Variants in ESRP1 observed in about 807,000 individuals in gnomAD.
ESRP1 encodes the protein epithelial splicing regulatory protein 1, also known as RNA-binding motif protein 35A.
ESRP1 carries 33 observed loss-of-function variants against 81.7 expected under a neutral mutation model. The observed-to-expected ratio is 0.40, with a 90% confidence interval of 0.31 to 0.54. ESRP1 has a LOEUF of 0.54. Among genes scored for constraint, ESRP1 ranks in the 20% least tolerant of loss-of-function variants. ESRP1 has a pLI of 0.41. For synonymous variants in ESRP1, 320 were observed against 303.3 expected, an observed-to-expected ratio of 1.06 and a Z score of -0.57; for missense variants, 672 against 833.1, an observed-to-expected ratio of 0.81 and a Z score of 2.38.
At position 94,692,575 on chromosome 8, in the gene ESRP1, G is replaced by A. The variant is rs974835249; in HGVS notation, c.1821-102G>A. On this transcript the variant is annotated intron_variant, in intron 13 of 15. Transcript: ENST00000433389. ...GACAGCTCTGAGAAGTATAAGAAAG[G>A]TTGCCTTGAGAAATTCTGTTTCCTT... 6 of 1,258,848 alleles carry A rather than the reference G, an allele frequency of 4.8e-6. No individual in the cohort carries two copies. In the Admixed American group the frequency reaches 1.4e-4, roughly 29 times the overall value. 78.0% of individuals were successfully genotyped at this position (1,258,848 alleles called of 1,614,324 possible). A position where few individuals can be genotyped will look rare whatever the true frequency, so the allele number is the denominator to read the frequency against.
chr8:94,692,346 G>C (rs574275572), intron 13 of ESRP1, among the ~76,000 whole-genome samples: 2 of 152,202 alleles, frequency 1.3e-5, no homozygotes, highest in South Asian at 4.2e-4. Flanking sequence ...TAGCTAGCCG[G>C]TGAATCATCA....
Position 94,671,366 on chromosome 8 carries a change from C to T in ESRP1, c.1234-87C>T, listed in dbSNP as rs7002309. 6.1e-3 allele frequency: 6,805 copies of T among 1,109,024 alleles called. 127 individuals are homozygous for T. The highest frequency in any genetic ancestry group is 0.058 in the African/African-American group (3,712 of 63,682). 68.7% of individuals were successfully genotyped at this position (1,109,024 alleles called of 1,614,324 possible). On this transcript the variant is annotated intron_variant, in intron 10 of 15. Transcript: ENST00000433389. ...GGTGAGCTGGATTCTGCATTTCTAA[C>T]GAGCTTCCCAGTGATGCCATTGCTG...
At chr8:94,672,345 A>G (rs1321244937) in intron 11 of ESRP1, among the ~76,000 whole-genome samples, 1 of 152,176 alleles carries the variant, frequency 6.6e-6, no homozygotes, top group Non-Finnish European at 1.5e-5. Flanking sequence ...TGAGTTGCTG[A>G]GAAGCCTGTA....
chr8:94,676,987 TACTAAAAAAA>T (rs1030429190), intron 12 of ESRP1, among the ~76,000 whole-genome samples: 1 of 152,024 alleles, frequency 6.6e-6, no homozygotes, highest in African/African-American at 2.4e-5. Flanking sequence ...ACCCTGTTTC[TACTAAAAAAA>T]AATTCAAGAA....
intron 10 of ESRP1, among the ~76,000 whole-genome samples, chr8:94,669,838 G>A (rs538465067): frequency 6.9e-6 from 1 of 144,866 alleles, no homozygotes; most frequent in Admixed American, 7.1e-5. Flanking sequence ...CTGCACTCTA[G>A]CCTGGGCGAC....
Position 94,678,300 on chromosome 8 carries a change from A to G in ESRP1, c.1749A>G (p.Ala583=), listed in dbSNP as rs775786533. ...CCTCTGTGATTTTGAATCCACGAGC[A>G]CTGCAGCCCTCCACAGCGTACTACC... The part of the protein sequence containing the change: ...YQPSVILNPR[A]LQPSTAYYPA... The change falls in exon 13 of 16, where the codon GCA becomes GCG. Residue 583 remains alanine (A), a synonymous_variant. Transcript: ENST00000433389. The G allele has an allele frequency of 3.1e-6, 5 of 1,614,006 alleles. No homozygotes were observed. In the East Asian group the frequency reaches 6.7e-5, roughly 22 times the overall value.
Position 94,675,898 on chromosome 8 carries a change from G to A in ESRP1, c.1651+1392G>A, listed in dbSNP as rs143377278. 4.8e-3 allele frequency among the ~76,000 whole-genome samples: 736 copies of A among 152,306 alleles called. 5 individuals carry two copies. The highest frequency in any genetic ancestry group is 0.017 in the African/African-American group (692 of 41,552). ...TAATCTCAGCACTTTGGGAGGCCAA[G>A]GTGGGAGGATCACTTGAGGCCAGGG... On this transcript the variant is annotated intron_variant, in intron 12 of 15. Transcript: ENST00000433389.
intron 11 of ESRP1, among the ~76,000 whole-genome samples, chr8:94,674,094 C>A (rs73695505): frequency 0.02 from 3,095 of 152,248 alleles, 95 homozygotes; most frequent in African/African-American, 0.07. Context: ...CAGCTATGAG[C>A]TCTCAAAACT....
intron 15 of ESRP1, among the ~76,000 whole-genome samples, chr8:94,700,704 C>A (rs1028901100): frequency 6.7e-6 from 1 of 150,208 alleles, no homozygotes; most frequent in East Asian, 2.0e-4. Context: ...CTGAGGCGGG[C>A]GGATCACGAG....
At chr8:94,664,428 T>A (rs544551802) in intron 6 of ESRP1, among the ~76,000 whole-genome samples, 20 of 152,262 alleles carry the variant, frequency 1.3e-4, no homozygotes, top group African/African-American at 4.8e-4. Flanking sequence ...CTGGCCTTCC[T>A]CAGCTTTGAT....
At chr8:94,683,878 G>T (rs1809026335) in intron 13 of ESRP1, among the ~76,000 whole-genome samples, 1 of 152,126 alleles carries the variant, frequency 6.6e-6, no homozygotes, top group South Asian at 2.1e-4. Flanking sequence ...GGGAGGAAAT[G>T]ACCCTTTGCT....
In ESRP1 at chr8:94,643,323, T is replaced by C; in HGVS notation, c.282T>C (p.Asn94=). Reference sequence around the variant, plus strand: ...TGCAGTTTAACCAGTCAGTGAGCAATGAACTGAATATTGGAGTAGGGACTT... The same window carrying C: ...TGCAGTTTAACCAGTCAGTGAGCAACGAACTGAATATTGGAGTAGGGACTT... ...ALRQFNQSVS[N]ELNIGVGTSF... is the part of the protein sequence containing the mutation. The change falls in exon 3 of 16, where the codon AAT becomes AAC. Residue 94 remains asparagine (N), a synonymous_variant. Coordinates refer to ENST00000433389, the MANE Select transcript of ESRP1 (RefSeq NM_017697.4). The C allele has an allele frequency of 1.2e-6, 2 of 1,611,940 alleles. No homozygotes were observed. The highest frequency in any genetic ancestry group is 1.7e-6 in the Non-Finnish European group (2 of 1,178,022).
At chr8:94,697,562 T>A (rs1350257996) in intron 15 of ESRP1, among the ~76,000 whole-genome samples, 1 of 152,250 alleles carries the variant, frequency 6.6e-6, no homozygotes, top group Non-Finnish European at 1.5e-5. Context: ...TGAATAACAT[T>A]TCATTGCATG....
rs200703257 is a variant in ESRP1, at chr8:94,656,709, TAAAC to T, written c.491-5559_491-5556del. Among the ~76,000 whole-genome samples the T allele has an allele frequency of 2.4e-4, 36 of 152,298 alleles. No individual in the cohort carries two copies. The East Asian group carries it at 5.8e-3, about 24-fold the overall frequency. Reference sequence around the variant, plus strand: ...TGTGTTACTATACAATAAATGAAAGTAAACAAAAGGAATGGATTTAATGTCTTGT... The same window carrying T: ...TGTGTTACTATACAATAAATGAAAGTAAAAGGAATGGATTTAATGTCTTGT... On this transcript the variant is annotated intron_variant, in intron 4 of 15. Coordinates refer to ENST00000433389, the MANE Select transcript of ESRP1 (RefSeq NM_017697.4).
At chr8:94,690,700 T>C (rs567665193) in intron 13 of ESRP1, among the ~76,000 whole-genome samples, 81 of 152,282 alleles carry the variant, frequency 5.3e-4, no homozygotes, top group Non-Finnish European at 9.9e-4. Context: ...TTGAGAGTAC[T>C]AGAGACCTCA....
rs374416650 is a variant in ESRP1 at position 94,692,677 on chromosome 8, C to G, written c.1821C>G (p.Ser607Arg). The G allele has an allele frequency of 2.5e-6, 4 of 1,612,612 alleles. No homozygotes were observed. Among genetic ancestry groups the G allele is most frequent in the Non-Finnish European group, 3.4e-6 (4 of 1,179,026 alleles). ...LFMNYTAYYP[S>R]PPGSPNSLGY... ...TTCACTGTGCTTTCTCTCCCTTTAG[C>G]CCCCCAGGTTCGCCTAATAGTCTTG... Residue 607 changes from serine (S) to arginine (R), a missense_variant and splice_region_variant, in exon 14 of 16, where the codon AGC (serine) becomes AGG (arginine). Coordinates refer to ENST00000433389, the MANE Select transcript of ESRP1 (RefSeq NM_017697.4).
chr8:94,671,644 T>C lies in ESRP1; in HGVS notation c.1425T>C (p.His475=), dbSNP rs1819333802. 2 of 1,613,804 alleles carry C rather than the reference T, an allele frequency of 1.2e-6. No homozygotes were observed. Among genetic ancestry groups the C allele is most frequent in the South Asian group, 1.1e-5 (1 of 91,062 alleles). The part of the protein sequence containing the change: ...LGEFATDIRT[H]GVHMVLNHQG... Reference sequence around the variant, plus strand: ...AGTTCGCCACAGATATTCGTACTCATGGGGTTCACATGGTTTTGAATCACC... The same window carrying C: ...AGTTCGCCACAGATATTCGTACTCACGGGGTTCACATGGTTTTGAATCACC... Residue 475 remains histidine (H), a synonymous_variant, in exon 11 of 16, where the codon CAT becomes CAC. Transcript: ENST00000433389.
At chr8:94,700,562 A>C (rs1809782063) in intron 15 of ESRP1, among the ~76,000 whole-genome samples, 1 of 152,212 alleles carries the variant, frequency 6.6e-6, no homozygotes, top group Non-Finnish European at 1.5e-5. Context: ...ATTGTTAGAG[A>C]ATGAATACCT....
In ESRP1 at chr8:94,665,053, T is replaced by C. The variant is rs1219705719; in HGVS notation, c.882T>C (p.Tyr294=). Residue 294 remains tyrosine (Y), a synonymous_variant, in exon 8 of 16, where the codon TAT becomes TAC. Coordinates refer to ENST00000433389, the MANE Select transcript of ESRP1 (RefSeq NM_017697.4). ...ACAAACATCACATGGGGACCCGGTA[T>C]ATTGAGGTATGTCCTCAAAACCTGA... ...QRHKHHMGTR[Y]IEVYKATGED... is the part of the protein sequence containing the mutation. 1 of 1,613,560 alleles carries C rather than the reference T, an allele frequency of 6.2e-7. No homozygotes were observed. Among genetic ancestry groups the C allele is most frequent in the East Asian group, 2.2e-5 (1 of 44,876 alleles).
Sources: allele counts gnomAD v4.1 joint callset (sites outside exome capture counted in the v4.1 genomes callset), GRCh38; gene constraint gnomAD v4.1.1; transcripts MANE v1.5; gene names NCBI Gene and HGNC (gene_info 2026-07-23, HGNC 2026-07-21).